PSMA6: variants seen among roughly 807,000 people sequenced by gnomAD.
PSMA6 encodes proteasome 20S subunit alpha 6.
For missense variants in PSMA6, 170 were observed against 294.8 expected (o/e 0.58, Z 3.10); for synonymous variants, 88 against 97.7 (o/e 0.90, Z 0.59).
upstream of PSMA6, among the ~76,000 whole-genome samples, chr14:35,291,337 C>T (rs1250236903): frequency 6.6e-6 from 1 of 152,068 alleles, no homozygotes; most frequent in South Asian, 2.1e-4. Context: ...CCTGCCTCAG[C>T]CTCCCAAGTA....
chr14:35,292,293 G>C (rs768765529), upstream of PSMA6: 4 of 1,417,446 alleles, frequency 2.8e-6, no homozygotes, highest in Non-Finnish European at 3.7e-6. Context: ...CACCCCCTTA[G>C]GGGGCGGGGC....
chr14:35,306,420 TG>T (rs1389260822), intron 1 of PSMA6, among the ~76,000 whole-genome samples: 1 of 152,008 alleles, frequency 6.6e-6, no homozygotes, highest in Non-Finnish European at 1.5e-5. Flanking sequence ...AAGAAAAATT[TG>T]GGCCAGGTGC....
At chr14:35,285,348 C>CAAAAAA (rs1359907797) in intron 1 of PSMA6, among the ~76,000 whole-genome samples, 1 of 47,300 alleles carries the variant, frequency 2.1e-5, no homozygotes. Flanking sequence ...TCAAAAAAAA[C>CAAAAAA]AAAAAACAAA....
chr14:35,306,112 C>T (rs901823363), intron 1 of PSMA6, among the ~76,000 whole-genome samples: 3 of 151,672 alleles, frequency 2.0e-5, no homozygotes, highest in Non-Finnish European at 4.4e-5. Flanking sequence ...ACCTGTGGTC[C>T]CAGCTACTCA....
intron 1 of PSMA6, among the ~76,000 whole-genome samples, chr14:35,306,362 G>A (rs1054929963): frequency 1.3e-5 from 2 of 152,128 alleles, no homozygotes; most frequent in Non-Finnish European, 2.9e-5. Flanking sequence ...TTCAAGACCA[G>A]CCTGGGCAAG....
chr14:35,288,163 G>C (rs143401490), upstream of PSMA6, among the ~76,000 whole-genome samples: 1 of 152,292 alleles, frequency 6.6e-6, no homozygotes, highest in East Asian at 1.9e-4. Flanking sequence ...CTTACCTCAG[G>C]CTAGGCACTG....
At chr14:35,301,978 A>T (rs1008190517) in intron 1 of PSMA6, among the ~76,000 whole-genome samples, 1 of 121,684 alleles carries the variant, frequency 8.2e-6, no homozygotes, top group African/African-American at 3.8e-5. Flanking sequence ...TGCTCAGCTT[A>T]GGTGATTTTT....
At chr14:35,279,721 T>A (rs1239554489) in intron 1 of PSMA6, among the ~76,000 whole-genome samples, 1 of 152,196 alleles carries the variant, frequency 6.6e-6, no homozygotes, top group African/African-American at 2.4e-5. Flanking sequence ...GATAAAGAGC[T>A]TTTTACTGCT....
chr14:35,299,310 G>T lies in PSMA6; in HGVS notation c.76+6758G>T, dbSNP rs568039002. On this transcript the variant is annotated intron_variant, in intron 1 of 6. Coordinates refer to ENST00000261479, the MANE Select transcript of PSMA6 (RefSeq NM_002791.3). ...AGTGCTGGGATTATAGGTGTGAGCCGCCGCAGTGCCCAGCCTCTTTTTTTT... is the reference window on the plus strand; with the variant it reads ...AGTGCTGGGATTATAGGTGTGAGCCTCCGCAGTGCCCAGCCTCTTTTTTTT... 1.6e-3 allele frequency among the ~76,000 whole-genome samples: 168 copies of T among 105,888 alleles called. 1 individual carries two copies. The highest frequency in any genetic ancestry group is 6.3e-3 in the Middle Eastern group (1 of 160). 69.5% of individuals were successfully genotyped at this position (105,888 alleles called of 152,430 possible). A position where few individuals can be genotyped will look rare whatever the true frequency, so the allele number is the denominator to read the frequency against.
chr14:35,313,566 A>G (rs2051984453), intron 5 of PSMA6: 1 of 152,406 alleles, frequency 6.6e-6, no homozygotes, highest in African/African-American at 2.4e-5. Context: ...AGTATGCTTA[A>G]AGGAGATAAA....
chr14:35,292,325 T>G (rs533005703), upstream of PSMA6: 303 of 1,473,634 alleles, frequency 2.1e-4, no homozygotes, highest in Non-Finnish European at 2.6e-4. Flanking sequence ...GTGCTCGAAC[T>G]GGCTCCAGAG....
intron 1 of PSMA6, among the ~76,000 whole-genome samples, chr14:35,293,460 G>A (rs8017676): frequency 0.11 from 17,416 of 152,184 alleles, 1,069 homozygotes; most frequent in Middle Eastern, 0.17. Flanking sequence ...GGTCCGTGAT[G>A]GTTTTATTTT....
chr14:35,308,142 C>G (rs2138745415), intron 2 of PSMA6, 54 bp downstream of exon 2: 1 of 1,594,926 alleles, frequency 6.3e-7, no homozygotes, highest in Non-Finnish European at 8.6e-7. Flanking sequence ...AATTTTTCAG[C>G]CAAGTGCAGT....
chr14:35,307,239 A>C (rs2051846070), intron 1 of PSMA6, among the ~76,000 whole-genome samples: 1 of 152,236 alleles, frequency 6.6e-6, no homozygotes, highest in Non-Finnish European at 1.5e-5. Context: ...AAATTAATGC[A>C]AAATAATCAA....
intron 1 of PSMA6, among the ~76,000 whole-genome samples, chr14:35,295,336 TAA>T (rs57795237): frequency 1.6e-4 from 22 of 137,446 alleles, no homozygotes; most frequent in African/African-American, 1.6e-4. Context: ...AGACTCCATC[TAA>T]AAAAAAAAAA....
upstream of PSMA6, among the ~76,000 whole-genome samples, chr14:35,290,856 C>A (rs17536892): frequency 0.058 from 8,785 of 152,306 alleles, 327 homozygotes; most frequent in Middle Eastern, 0.11. Flanking sequence ...CCCGGAGCTA[C>A]CTCGCCAGCT....
chr14:35,305,323 A>G (rs1455519843), intron 1 of PSMA6, among the ~76,000 whole-genome samples: 2 of 151,902 alleles, frequency 1.3e-5, no homozygotes, highest in Non-Finnish European at 2.9e-5. Flanking sequence ...TTTTGTAGAG[A>G]CAGGGTCTTG....
chr14:35,293,050 C>G, intron 1 of PSMA6: 1 of 456,310 alleles, frequency 2.2e-6, no homozygotes, highest in Non-Finnish European at 4.4e-6. Context: ...GTTACACCCT[C>G]TTCTATACTG....
intron 4 of PSMA6, 108 bp downstream of exon 4, chr14:35,311,003 A>C: frequency 2.7e-6 from 3 of 1,096,322 alleles, no homozygotes; most frequent in Non-Finnish European, 3.9e-6. Context: ...TGTGGTTTGG[A>C]AAATACATAG....
Sources: gnomAD v4.1 joint callset for allele counts (sites outside exome capture counted in the v4.1 genomes callset) on GRCh38, gnomAD v4.1.1 for gene constraint, MANE v1.5 for transcripts, NCBI Gene and HGNC (gene_info 2026-07-23, HGNC 2026-07-21) for gene names.